MARCHF1: variants seen among roughly 807,000 people sequenced by gnomAD.
MARCHF1 encodes the protein membrane associated ring-CH-type finger 1, also known as E3 ubiquitin-protein ligase MARCHF1.
In MARCHF1, 40 loss-of-function variants were observed where a neutral mutation model predicts 54.2. The ratio of observed to expected loss-of-function variants is 0.74; its 90% CI spans 0.57 to 0.96. The LOEUF (loss-of-function observed/expected upper bound fraction) is 0.96, where lower values mean the gene tolerates loss of function less well. MARCHF1 is among the 40% of genes least tolerant of loss of function. The probability of loss-of-function intolerance (pLI) is 0.00; values close to 1 mark genes in which losing one functional copy is unlikely to be tolerated. For missense variants in MARCHF1, 586 were observed against 656.5 expected, an observed-to-expected ratio of 0.89 and a Z score of 1.17; for synonymous variants, 236 against 236.3, an observed-to-expected ratio of 1.00 and a Z score of 0.01.
At chr4:164,241,542 C>A (rs111785794) in intron 1 of MARCHF1, among the ~76,000 whole-genome samples, 78 of 152,264 alleles carry the variant, frequency 5.1e-4, no homozygotes, top group African/African-American at 1.8e-3. Context: ...CAAGAAATTT[C>A]TCTTTTCTGT....
At chr4:163,681,058 A>G (rs1336410505) in intron 5 of MARCHF1, among the ~76,000 whole-genome samples, 2 of 151,414 alleles carry the variant, frequency 1.3e-5, no homozygotes, top group Non-Finnish European at 2.9e-5. Context: ...AATATGGTGC[A>G]TTAGGTGCTC....
In MARCHF1 at chr4:163,986,249, C is replaced by CTTTTTTTTTTT. The variant is rs869081083; in HGVS notation, c.-39+2241_-39+2251dup. Among the ~76,000 whole-genome samples the CTTTTTTTTTTT allele has an allele frequency of 2.6e-3, 75 of 28,868 alleles. 6 individuals are homozygous for CTTTTTTTTTTT. The highest frequency in any genetic ancestry group is 5.1e-3 in the African/African-American group (52 of 10,158). The allele number at this position is 28,868 out of a possible 152,430, so 18.9% of individuals were successfully genotyped here. ...TTCCTTTTCTCCTAATTAACCTCTT[C>CTTTTTTTTTTT]TTTTTTTTTTTTTTTTTTTTTTTTT... On this transcript the variant is annotated intron_variant, in intron 3 of 9. Coordinates refer to ENST00000514618, the MANE Select transcript of MARCHF1 (RefSeq NM_001394959.1).
rs1292845484 is a variant in MARCHF1, at chr4:163,944,034, C to T, written c.-39+44467G>A. Among the ~76,000 whole-genome samples, 3 of 151,756 alleles carry T rather than the reference C, an allele frequency of 2.0e-5. No homozygotes were observed. The East Asian group carries it at 5.8e-4, about 29-fold the overall frequency. ...CCAGGCTGGAGTGCAGTGATGTGATCTCGCTCACTGCAAGCTCCACCTCCC... is the reference window on the plus strand; with the variant it reads ...CCAGGCTGGAGTGCAGTGATGTGATTTCGCTCACTGCAAGCTCCACCTCCC... On this transcript the variant is annotated intron_variant, in intron 3 of 9. Transcript: ENST00000514618.
At chr4:164,211,537 T>C (rs940518130) in intron 1 of MARCHF1, among the ~76,000 whole-genome samples, 5 of 151,990 alleles carry the variant, frequency 3.3e-5, no homozygotes, top group African/African-American at 1.2e-4. Context: ...GAAATAATCC[T>C]AGAAGTTCTT....
intron 2 of MARCHF1, among the ~76,000 whole-genome samples, chr4:164,108,886 G>T (rs1249446575): frequency 2.0e-5 from 3 of 152,084 alleles, no homozygotes; most frequent in African/African-American, 7.2e-5. Flanking sequence ...GCATAAGATA[G>T]CTGTGATTTT....
intron 2 of MARCHF1, among the ~76,000 whole-genome samples, chr4:164,106,741 A>C (rs1755710803): frequency 7.4e-6 from 1 of 134,818 alleles, no homozygotes; most frequent in Admixed American, 7.6e-5. Flanking sequence ...CAATGTGCAC[A>C]TGTACCCTAA....
At chr4:164,024,929 G>C (rs1013992569) in intron 2 of MARCHF1, among the ~76,000 whole-genome samples, 34 of 151,732 alleles carry the variant, frequency 2.2e-4, no homozygotes, top group African/African-American at 8.0e-4. Context: ...AACAGCAGGA[G>C]TCACTATTCT....
chr4:163,880,113 CTAAA>C (rs757678789), intron 3 of MARCHF1, among the ~76,000 whole-genome samples: 68 of 151,528 alleles, frequency 4.5e-4, no homozygotes, highest in East Asian at 1.4e-3. Context: ...ATTTTATTAA[CTAAA>C]TACTTTCAAA....
chr4:163,686,991 T>G (rs796810426), intron 5 of MARCHF1, among the ~76,000 whole-genome samples: 50 of 152,354 alleles, frequency 3.3e-4, no homozygotes, highest in African/African-American at 1.1e-3. Flanking sequence ...GTGCATAGAT[T>G]AATGATTTTC....
chr4:164,362,119 G>A (rs905067616), intron 1 of MARCHF1, among the ~76,000 whole-genome samples: 4 of 152,046 alleles, frequency 2.6e-5, no homozygotes, highest in Non-Finnish European at 5.9e-5. Context: ...ACTGGGGTAT[G>A]GAGGTAAGAG....
chr4:164,287,465 C>T (rs76047952), intron 1 of MARCHF1, among the ~76,000 whole-genome samples: 3,753 of 152,214 alleles, frequency 0.025, 108 homozygotes, highest in East Asian at 0.13. Context: ...GTGGAACATC[C>T]TGATTAGAAA....
intron 8 of MARCHF1, among the ~76,000 whole-genome samples, chr4:163,571,708 G>A (rs553556820): frequency 6.6e-6 from 1 of 152,152 alleles, no homozygotes; most frequent in African/African-American, 2.4e-5. Flanking sequence ...TATTTCTTAG[G>A]TTAACTAAAC....
chr4:164,020,749 G>A (rs1028423254), intron 2 of MARCHF1, among the ~76,000 whole-genome samples: 3 of 152,110 alleles, frequency 2.0e-5, no homozygotes, highest in Non-Finnish European at 2.9e-5. Flanking sequence ...CAGGCAACAC[G>A]GAGAAACCCC....
At chr4:163,700,255 C>T (rs1048717706) in intron 5 of MARCHF1, among the ~76,000 whole-genome samples, 2 of 152,006 alleles carry the variant, frequency 1.3e-5, no homozygotes, top group Non-Finnish European at 2.9e-5. Context: ...TCCTGTAATC[C>T]CAATACTTTG....
chr4:164,302,365 G>A (rs536422027), intron 1 of MARCHF1, among the ~76,000 whole-genome samples: 39 of 151,978 alleles, frequency 2.6e-4, no homozygotes, highest in Non-Finnish European at 3.8e-4. Context: ...TGGTATATTG[G>A]AATTTTAACA....
chr4:163,932,433 C>G, intron 3 of MARCHF1: 3 of 385,404 alleles, frequency 7.8e-6, no homozygotes, highest in Non-Finnish European at 1.5e-5. Context: ...ATGTAATATT[C>G]TAAATCCTTT....
chr4:164,170,662 G>A (rs1011131476), intron 1 of MARCHF1, among the ~76,000 whole-genome samples: 1 of 152,074 alleles, frequency 6.6e-6, no homozygotes, highest in Non-Finnish European at 1.5e-5. Flanking sequence ...CTATGATTTT[G>A]GTGGGAGAAG....
At chr4:164,181,842 A>C (rs1005285428) in intron 1 of MARCHF1, among the ~76,000 whole-genome samples, 6 of 152,172 alleles carry the variant, frequency 3.9e-5, no homozygotes, top group Non-Finnish European at 8.8e-5. Context: ...TTTCAAGTTA[A>C]TGTATTTTAG....
intron 1 of MARCHF1, among the ~76,000 whole-genome samples, chr4:164,230,739 C>A (rs1426943195): frequency 1.3e-5 from 2 of 152,078 alleles, no homozygotes; most frequent in Admixed American, 6.6e-5. Context: ...CCCAGTTAAG[C>A]CACTCCTGAG....
Sources: allele counts gnomAD v4.1 joint callset (sites outside exome capture counted in the v4.1 genomes callset), GRCh38; gene constraint gnomAD v4.1.1; transcripts MANE v1.5; gene names NCBI Gene and HGNC (gene_info 2026-07-23, HGNC 2026-07-21).